SPRYD7: variants seen among roughly 807,000 people sequenced by gnomAD.
SPRYD7 encodes SPRY domain-containing protein 7.
SPRYD7 carries 14 observed loss-of-function variants against 23.8 expected under a neutral mutation model. The ratio of observed to expected loss-of-function variants is 0.59; its 90% confidence interval spans 0.39 to 0.92. SPRYD7 has a LOEUF of 0.92. Among genes scored for constraint, SPRYD7 ranks in the 40% least tolerant of loss-of-function variants. The probability of loss-of-function intolerance (pLI) is 0.00; values close to 1 mark genes in which losing one functional copy is unlikely to be tolerated. For synonymous variants in SPRYD7, 75 were observed against 84.9 expected, an observed-to-expected ratio of 0.88 and a Z score of 0.64; for missense variants, 194 against 241.7, an observed-to-expected ratio of 0.80 and a Z score of 1.31.
intron 4 of SPRYD7, among the ~76,000 whole-genome samples, chr13:49,920,940 G>A (rs557152468): frequency 7.2e-5 from 11 of 152,182 alleles, no homozygotes; most frequent in Admixed American, 7.2e-4. Context: ...CAGCCTGGGT[G>A]ACAGAGTGAC....
chr13:49,931,630 G>A (rs1427114362), intron 1 of SPRYD7, among the ~76,000 whole-genome samples: 1 of 151,996 alleles, frequency 6.6e-6, no homozygotes, highest in African/African-American at 2.4e-5. Flanking sequence ...ACATTTATAA[G>A]TAATATTCAT....
Position 49,913,157 on chromosome 13 carries a change from T to G in SPRYD7, c.*1906A>C, listed in dbSNP as rs1009473123. On this transcript the variant is annotated 3_prime_UTR_variant, in exon 5 of 5. Transcript: ENST00000361840. Reference sequence around the variant, plus strand: ...CACTTTCTGGCTGGGTGTGGTGGCTTACGCCTATAATTCCAGCACTTTGGG... The same window carrying G: ...CACTTTCTGGCTGGGTGTGGTGGCTGACGCCTATAATTCCAGCACTTTGGG... The G allele has an allele frequency of 6.6e-6, 1 of 152,166 alleles. No individual in the cohort carries two copies. The highest frequency in any genetic ancestry group is 1.5e-5 in the Non-Finnish European group (1 of 68,060). 9.4% of individuals were successfully genotyped at this position (152,166 alleles called of 1,614,324 possible). A position where few individuals can be genotyped will look rare whatever the true frequency, so the allele number is the denominator to read the frequency against.
intron 4 of SPRYD7, among the ~76,000 whole-genome samples, chr13:49,917,084 T>G (rs1955760313): frequency 6.6e-6 from 1 of 152,062 alleles, no homozygotes; most frequent in Non-Finnish European, 1.5e-5. Flanking sequence ...AAGTCATAAC[T>G]TTGTTTTTTT....
intron 3 of SPRYD7, among the ~76,000 whole-genome samples, chr13:49,926,121 C>T (rs1459224111): frequency 6.6e-6 from 1 of 152,066 alleles, no homozygotes; most frequent in Non-Finnish European, 1.5e-5. Flanking sequence ...TAATGTTTTT[C>T]TTTTCTTGGC....
chr13:49,927,990 C>A lies in SPRYD7; in HGVS notation c.319G>T (p.Ala107Ser). The change falls in exon 3 of 5, where the codon GCC becomes TCC. Residue 107 changes from alanine to serine, a missense_variant. By Grantham distance (99) the Ala-to-Ser change is moderately conservative. Coordinates refer to ENST00000361840, the MANE Select transcript of SPRYD7 (RefSeq NM_020456.4). ...MHSLVMRNDG[A>S]LYHNNEEKNR... ...TTCTCTTCATTGTTGTGGTAAAGGGCTCCATCATTTCTCATCACCAGACTG... is the reference window on the plus strand; with the variant it reads ...TTCTCTTCATTGTTGTGGTAAAGGGATCCATCATTTCTCATCACCAGACTG... The A allele has an allele frequency of 5.6e-6, 9 of 1,614,206 alleles. No homozygotes were observed. Among genetic ancestry groups the A allele is most frequent in the Non-Finnish European group, 7.6e-6 (9 of 1,180,032 alleles).
chr13:49,917,830 C>T (rs899065866), intron 4 of SPRYD7, among the ~76,000 whole-genome samples: 1 of 152,062 alleles, frequency 6.6e-6, no homozygotes, highest in Non-Finnish European at 1.5e-5. Context: ...TTTAGGCTTA[C>T]CCAATATGCA....
Position 49,927,973 on chromosome 13 carries a change from A to G in SPRYD7, c.336T>C (p.Asn112=). Residue 112 remains asparagine, a synonymous_variant, in exon 3 of 5, where the codon AAT becomes AAC. Transcript: ENST00000361840. ...MRNDGALYHN[N]EEKNRLPANS... ...TTGCTGGCAGCCTATTTTTCTCTTC[A>G]TTGTTGTGGTAAAGGGCTCCATCAT... 6.2e-7 allele frequency: 1 copy of G among 1,614,174 alleles called. No individual in the cohort carries two copies. The highest frequency in any genetic ancestry group is 2.2e-5 in the East Asian group (1 of 44,892).
At chr13:49,922,515 AG>A (rs1955832868) in intron 3 of SPRYD7, among the ~76,000 whole-genome samples, 3 of 152,108 alleles carry the variant, frequency 2.0e-5, no homozygotes, top group African/African-American at 7.2e-5. Flanking sequence ...TTGCACAGCT[AG>A]GAAGTGGAAA....
At chr13:49,933,507 CAGG>C (rs1315206601) in intron 1 of SPRYD7, among the ~76,000 whole-genome samples, 4 of 149,450 alleles carry the variant, frequency 2.7e-5, no homozygotes, top group Admixed American at 1.4e-4. Flanking sequence ...GAGGCTGAGA[CAGG>C]AGAATTAATT....
chr13:49,918,014 A>C (rs1176700630), intron 4 of SPRYD7, among the ~76,000 whole-genome samples: 2 of 152,222 alleles, frequency 1.3e-5, no homozygotes, highest in African/African-American at 4.8e-5. Context: ...TAATTCTGAC[A>C]TCCCAGTTTG....
intron 3 of SPRYD7, among the ~76,000 whole-genome samples, chr13:49,924,994 AAATAATAAT>A (rs201309392): frequency 1.5e-4 from 21 of 135,790 alleles, no homozygotes; most frequent in East Asian, 4.4e-4. Flanking sequence ...AAAAATAAAT[AAATAATAAT>A]AATAATAATA....
chr13:49,929,483 GTTTTGT>G (rs56707962), intron 2 of SPRYD7, among the ~76,000 whole-genome samples: 6,814 of 151,982 alleles, frequency 0.045, 344 homozygotes, highest in African/African-American at 0.12. Context: ...AATAAAGCTT[GTTTTGT>G]TTTTGTTTTT....
intron 1 of SPRYD7, among the ~76,000 whole-genome samples, chr13:49,934,175 C>T (rs1488840255): frequency 6.6e-6 from 1 of 152,060 alleles, no homozygotes; most frequent in Non-Finnish European, 1.5e-5. Flanking sequence ...TCTTCTAACT[C>T]AACAACCCTT....
chr13:49,926,506 G>C (rs1323179835), intron 3 of SPRYD7, among the ~76,000 whole-genome samples: 5 of 152,036 alleles, frequency 3.3e-5, no homozygotes, highest in Non-Finnish European at 5.9e-5. Context: ...AAAAGCATGG[G>C]AAAAAGCAGA....
chr13:49,924,495 T>TG (rs1356791924), intron 3 of SPRYD7, among the ~76,000 whole-genome samples: 1 of 151,944 alleles, frequency 6.6e-6, no homozygotes, highest in Non-Finnish European at 1.5e-5. Context: ...TTTGTAGAGA[T>TG]GGGGTCTCAC....
chr13:49,916,605 T>TA lies in SPRYD7; in HGVS notation c.494-1446dup, dbSNP rs113644915. Among the ~76,000 whole-genome samples the TA allele has an allele frequency of 5.1e-4, 71 of 139,856 alleles. 1 individual carries two copies. The highest frequency in any genetic ancestry group is 3.5e-3 in the Middle Eastern group (1 of 288). 91.8% of individuals were successfully genotyped at this position (139,856 alleles called of 152,430 possible). On this transcript the variant is annotated intron_variant, in intron 4 of 4. Coordinates refer to ENST00000361840, the MANE Select transcript of SPRYD7 (RefSeq NM_020456.4). ...CACATGTACCCCCGAACCTAAATGTTAAAAAAAAAAAAGAAAGAAAAACAA... is the reference window on the plus strand; with the variant it reads ...CACATGTACCCCCGAACCTAAATGTTAAAAAAAAAAAAAGAAAGAAAAACAA...
At chr13:49,924,994 A>AAATAATAAT (rs201309392) in intron 3 of SPRYD7, among the ~76,000 whole-genome samples, 24 of 135,792 alleles carry the variant, frequency 1.8e-4, no homozygotes, top group Admixed American at 9.8e-4. Context: ...AAAAATAAAT[A>AAATAATAAT]AATAATAATA....
At chr13:49,924,971 C>A (rs1955862912) in intron 3 of SPRYD7, among the ~76,000 whole-genome samples, 1 of 132,710 alleles carries the variant, frequency 7.5e-6, no homozygotes, top group Non-Finnish European at 1.6e-5. Flanking sequence ...AGCAAAACTC[C>A]ATCTCAAAAA....
intron 3 of SPRYD7, among the ~76,000 whole-genome samples, chr13:49,925,498 C>G (rs1955871912): frequency 6.6e-6 from 1 of 151,910 alleles, no homozygotes; most frequent in Non-Finnish European, 1.5e-5. Flanking sequence ...GAAATTTGTA[C>G]TTTTCAGAAT....
Sources: gnomAD v4.1 joint callset for allele counts (sites outside exome capture counted in the v4.1 genomes callset) on GRCh38, gnomAD v4.1.1 for gene constraint, MANE v1.5 for transcripts, NCBI Gene and HGNC (gene_info 2026-07-23, HGNC 2026-07-21) for gene names.